PTPRM: variants seen among roughly 807,000 people sequenced by gnomAD.
PTPRM encodes receptor-type tyrosine-protein phosphatase mu.
PTPRM carries 47 observed loss-of-function variants against 186.7 expected under a neutral mutation model. The observed-to-expected ratio is 0.25, with a 90% CI of 0.20 to 0.32. PTPRM has a LOEUF of 0.32. Among genes scored for constraint, PTPRM ranks in the 10% least tolerant of loss-of-function variants. The pLI is 1.00. For missense variants in PTPRM, 1,494 were observed against 1,865.0 expected, an observed-to-expected ratio of 0.80 and a Z score of 3.66; for synonymous variants, 668 against 674.9, an observed-to-expected ratio of 0.99 and a Z score of 0.16.
intron 31 of PTPRM, among the ~76,000 whole-genome samples, chr18:8,388,387 C>CTGAG (rs2095791433): frequency 6.6e-6 from 1 of 152,190 alleles, no homozygotes; most frequent in South Asian, 2.1e-4. Context: ...GTGGGTTACT[C>CTGAG]TCCAGTCAGT....
At chr18:7,773,204 T>A (rs1199639174) in intron 1 of PTPRM, among the ~76,000 whole-genome samples, 1 of 152,166 alleles carries the variant, frequency 6.6e-6, no homozygotes, top group Non-Finnish European at 1.5e-5. Context: ...CCTTTAAAAC[T>A]TGTGTGGACT....
intron 1 of PTPRM, among the ~76,000 whole-genome samples, chr18:7,742,517 A>G (rs896113981): frequency 6.6e-6 from 1 of 152,150 alleles, no homozygotes; most frequent in African/African-American, 2.4e-5. Context: ...AAAAAGATGT[A>G]TATTTCAGAA....
chr18:8,229,091 C>T (rs1269104972), intron 14 of PTPRM, among the ~76,000 whole-genome samples: 2 of 151,818 alleles, frequency 1.3e-5, no homozygotes, highest in Non-Finnish European at 2.9e-5. Flanking sequence ...CTCTTATGCA[C>T]GATTATGTTT....
At chr18:8,083,177 A>C (rs910301966) in intron 9 of PTPRM, among the ~76,000 whole-genome samples, 5 of 151,760 alleles carry the variant, frequency 3.3e-5, no homozygotes, top group African/African-American at 4.8e-5. Context: ...TCAACCTTCC[A>C]CCTGCAGTCA....
Position 8,088,855 on chromosome 18 carries a change from TGGAACAGAGGGTTG to T in PTPRM, c.1856+7_1856+20del. On this transcript the variant is annotated splice_donor_5th_base_variant and intron_variant, in intron 11 of 32. Transcript: ENST00000580170. ...ACAGCAGAGGAGCACCTGTCAGGTA[TGGAACAGAGGGTTG>T]GGCCGGCTCTAGATAGAAGAAAACT... is the stretch of plus-strand genomic sequence containing the variant. 1.3e-6 allele frequency: 2 copies of T among 1,595,968 alleles called. No individual in the cohort carries two copies. Among genetic ancestry groups the T allele is most frequent in the Non-Finnish European group, 8.6e-7 (1 of 1,163,940 alleles).
In PTPRM at chr18:8,378,390, A is replaced by C; in HGVS notation, c.3588A>C (p.Ser1196=). ...ACAAACTGGATCCACAGACAAACTC[A>C]AGCCAGATTAAAGAGGAATTCCGGG... ...DMNKLDPQTN[S]SQIKEEFRTL... is the part of the protein sequence containing the mutation. Residue 1196 remains serine (S), a synonymous_variant, in exon 27 of 33, where the codon TCA becomes TCC. Coordinates refer to ENST00000580170, the MANE Select transcript of PTPRM (RefSeq NM_001105244.2). 1 of 1,614,112 alleles carries C rather than the reference A, an allele frequency of 6.2e-7. No homozygotes were observed. Among genetic ancestry groups the C allele is most frequent in the Non-Finnish European group, 8.5e-7 (1 of 1,179,988 alleles).
intron 14 of PTPRM, among the ~76,000 whole-genome samples, chr18:8,187,570 G>A (rs925573990): frequency 1.3e-5 from 2 of 152,214 alleles, no homozygotes; most frequent in African/African-American, 2.4e-5. Context: ...TGTTCAAAGT[G>A]CTCTCTGGTA....
intron 14 of PTPRM, among the ~76,000 whole-genome samples, chr18:8,148,948 T>C (rs2092943974): frequency 6.6e-6 from 1 of 152,220 alleles, no homozygotes; most frequent in Non-Finnish European, 1.5e-5. Context: ...AGTTTCCCTG[T>C]AGTTGTGCTG....
chr18:7,575,334 G>A (rs1379232679), intron 1 of PTPRM, among the ~76,000 whole-genome samples: 1 of 152,148 alleles, frequency 6.6e-6, no homozygotes, highest in Non-Finnish European at 1.5e-5. Flanking sequence ...CCCTGCCTGA[G>A]CCAAGCAAGG....
intron 5 of PTPRM, among the ~76,000 whole-genome samples, chr18:7,935,078 T>G (rs2051721478): frequency 6.6e-6 from 1 of 152,222 alleles, no homozygotes; most frequent in Non-Finnish European, 1.5e-5. Context: ...AATTTTGTTA[T>G]TATGTATAAA....
intron 7 of PTPRM, among the ~76,000 whole-genome samples, chr18:7,999,886 A>C (rs1054239820): frequency 1.3e-5 from 2 of 152,150 alleles, no homozygotes; most frequent in African/African-American, 2.4e-5. Flanking sequence ...TGCAGTTGGC[A>C]AAGTGGAGAC....
At chr18:8,088,939 C>T (rs1313387425) in intron 11 of PTPRM, 88 bp downstream of exon 11, 15 of 1,010,416 alleles carry the variant, frequency 1.5e-5, no homozygotes, top group Admixed American at 1.0e-4. Context: ...TAGGGATTTG[C>T]TGCAAATCTC....
chr18:7,680,919 C>G (rs533664845), intron 1 of PTPRM, among the ~76,000 whole-genome samples: 27 of 152,128 alleles, frequency 1.8e-4, no homozygotes, highest in Non-Finnish European at 2.1e-4. Flanking sequence ...GTGAACTTGC[C>G]CAGATGCTTC....
chr18:7,842,974 A>G (rs1166264998), intron 2 of PTPRM, among the ~76,000 whole-genome samples: 2 of 149,418 alleles, frequency 1.3e-5, no homozygotes, highest in Non-Finnish European at 3.0e-5. Context: ...AGAGAGAGAG[A>G]GAGAGATTAT....
chr18:7,816,168 A>G (rs1388751118), intron 2 of PTPRM, among the ~76,000 whole-genome samples: 5 of 152,190 alleles, frequency 3.3e-5, no homozygotes, highest in Admixed American at 2.6e-4. Flanking sequence ...AAGTTAACAC[A>G]TCTGATTATA....
intron 1 of PTPRM, among the ~76,000 whole-genome samples, chr18:7,725,636 C>T (rs190941624): frequency 2.8e-4 from 42 of 149,256 alleles, no homozygotes; most frequent in Admixed American, 2.1e-3. Flanking sequence ...GGTTGGATGT[C>T]GGAAAGAAGC....
Position 8,101,954 on chromosome 18 carries a change from T to G in PTPRM, c.1857-11532T>G, listed in dbSNP as rs7228083. Among the ~76,000 whole-genome samples the G allele has an allele frequency of 7.4e-3, 1,124 of 152,316 alleles. 13 individuals are homozygous for G. Among genetic ancestry groups the G allele is most frequent in the African/African-American group, 0.026 (1,069 of 41,574 alleles). ...CTAGTACAGGCATATCTTGGAGTTA[T>G]TGCAGGCTCAGTTCCAGATCACTGC... On this transcript the variant is annotated intron_variant, in intron 11 of 32. Coordinates refer to ENST00000580170, the MANE Select transcript of PTPRM (RefSeq NM_001105244.2).
intron 3 of PTPRM, among the ~76,000 whole-genome samples, chr18:7,892,460 A>C (rs1489578303): frequency 6.6e-6 from 1 of 152,182 alleles, no homozygotes; most frequent in African/African-American, 2.4e-5. Flanking sequence ...ATTCTTACTT[A>C]TCTTGAGCAC....
chr18:8,167,220 A>G (rs1019848958), intron 14 of PTPRM, among the ~76,000 whole-genome samples: 20 of 152,238 alleles, frequency 1.3e-4, no homozygotes, highest in Admixed American at 2.6e-4. Context: ...GTATGTGTGC[A>G]TGTTGTAAAA....
Sources: gnomAD v4.1 joint callset for allele counts (sites outside exome capture counted in the v4.1 genomes callset) on GRCh38, gnomAD v4.1.1 for gene constraint, MANE v1.5 for transcripts, NCBI Gene and HGNC (gene_info 2026-07-23, HGNC 2026-07-21) for gene names.